ZBTB20: variants seen among roughly 807,000 people sequenced by gnomAD.
ZBTB20 encodes the protein zinc finger and BTB domain containing 20.
A neutral mutation model predicts 56.9 loss-of-function variants in ZBTB20; 9 were observed. That is an observed-to-expected ratio of 0.16 (90% confidence interval 0.10 to 0.28). The LOEUF (loss-of-function observed/expected upper bound fraction) is 0.28. ZBTB20 is among the 10% of genes least tolerant of loss of function. ZBTB20 has a pLI of 1.00. For synonymous variants in ZBTB20, 417 were observed against 420.7 expected, an observed-to-expected ratio of 0.99 and a Z score of 0.11; for missense variants, 655 against 1,003.0, an observed-to-expected ratio of 0.65 and a Z score of 4.69.
Position 114,335,981 on chromosome 3 carries a change from C to G in ZBTB20, c.*3024G>C, listed in dbSNP as rs970467948. ...AATCAGCATTAAGGCAAATGGGTCT[C>G]TCTCAGATTTGAGAAACAGAAAGCT... On this transcript the variant is annotated 3_prime_UTR_variant, in exon 12 of 12. Coordinates refer to ENST00000675478, the MANE Select transcript of ZBTB20 (RefSeq NM_001348800.3). The G allele has an allele frequency of 1.3e-5, 2 of 152,188 alleles. No homozygotes were observed. Among genetic ancestry groups the G allele is most frequent in the Non-Finnish European group, 2.9e-5 (2 of 68,040 alleles). The allele number at this position is 152,188 out of a possible 1,614,324, so 9.4% of individuals were successfully genotyped here. A position where few individuals can be genotyped will look rare whatever the true frequency, so the allele number is the denominator to read the frequency against.
At chr3:114,506,250 G>C (rs756022486) in intron 6 of ZBTB20, among the ~76,000 whole-genome samples, 8 of 151,988 alleles carry the variant, frequency 5.3e-5, no homozygotes, top group Admixed American at 1.3e-4. Context: ...CCTAAAAAAT[G>C]GCCTGCCTTC....
At chr3:114,903,243 T>C (rs2075194720) in intron 3 of ZBTB20, among the ~76,000 whole-genome samples, 1 of 152,084 alleles carries the variant, frequency 6.6e-6, no homozygotes, top group Admixed American at 6.6e-5. Flanking sequence ...TTTCTGTCTG[T>C]AAAATGGTGA....
intron 4 of ZBTB20, among the ~76,000 whole-genome samples, chr3:114,833,712 T>C (rs1388277648): frequency 6.6e-6 from 1 of 151,112 alleles, no homozygotes; most frequent in Non-Finnish European, 1.5e-5. Context: ...TTTTTTTTTT[T>C]TTTTTGAGAT....
At chr3:114,365,059 A>G (rs2082262582) in intron 10 of ZBTB20, among the ~76,000 whole-genome samples, 1 of 152,132 alleles carries the variant, frequency 6.6e-6, no homozygotes, top group African/African-American at 2.4e-5. Flanking sequence ...GCTCTAACAC[A>G]AAGGAGATCA....
At chr3:114,752,537 G>T (rs75986872) in intron 5 of ZBTB20, among the ~76,000 whole-genome samples, 5,223 of 152,254 alleles carry the variant, frequency 0.034, 148 homozygotes, top group African/African-American at 0.07. Flanking sequence ...TCTCTAAGTG[G>T]TGATTTTACT....
At chr3:114,440,794 G>A (rs866446960) in intron 7 of ZBTB20, among the ~76,000 whole-genome samples, 6 of 152,132 alleles carry the variant, frequency 3.9e-5, no homozygotes, top group African/African-American at 1.4e-4. Context: ...CTTTTTGGAG[G>A]CAGAACCTGC....
At chr3:115,009,546 C>G (rs1425857355) in intron 2 of ZBTB20, among the ~76,000 whole-genome samples, 1 of 151,878 alleles carries the variant, frequency 6.6e-6, no homozygotes, top group Non-Finnish European at 1.5e-5. Context: ...GCCTCTACAC[C>G]AGCTTCCTCT....
intron 5 of ZBTB20, among the ~76,000 whole-genome samples, chr3:114,793,433 T>C (rs544131418): frequency 7.2e-5 from 11 of 152,218 alleles, no homozygotes; most frequent in Non-Finnish European, 1.5e-4. Context: ...TGATGGGGTA[T>C]TGGGCACAGA....
intron 5 of ZBTB20, among the ~76,000 whole-genome samples, chr3:114,739,494 C>T (rs1230224059): frequency 1.3e-5 from 2 of 152,194 alleles, no homozygotes; most frequent in African/African-American, 2.4e-5. Flanking sequence ...TGTGGCTCTG[C>T]CTTTGTGGTC....
chr3:115,141,518 A>T lies in ZBTB20; in HGVS notation c.-703+5701T>A, dbSNP rs906434790. 1.6e-4 allele frequency among the ~76,000 whole-genome samples: 25 copies of T among 152,312 alleles called. 1 individual carries two copies. The highest frequency in any genetic ancestry group is 1.4e-3 in the Admixed American group (21 of 15,300). ...TGAAAGCAAAATCAAAACATATTTTATCTTGCCTCTAGATCACATCAGCTG... is the reference window on the plus strand; with the variant it reads ...TGAAAGCAAAATCAAAACATATTTTTTCTTGCCTCTAGATCACATCAGCTG... On this transcript the variant is annotated intron_variant, in intron 1 of 11. Transcript: ENST00000675478.
chr3:114,962,313 G>T (rs1318286484), intron 3 of ZBTB20, among the ~76,000 whole-genome samples: 2 of 151,994 alleles, frequency 1.3e-5, no homozygotes, highest in African/African-American at 4.8e-5. Context: ...TATGGGATTT[G>T]GTTCCAAAAA....
intron 2 of ZBTB20, among the ~76,000 whole-genome samples, chr3:115,005,630 CAAAG>C (rs1412135736): frequency 6.6e-6 from 1 of 151,670 alleles, no homozygotes; most frequent in Non-Finnish European, 1.5e-5. Context: ...AATTAAGAAC[CAAAG>C]AGAGAGAGTA....
In ZBTB20 at chr3:115,041,876, CTCTG is replaced by C. The variant is rs1210739722; in HGVS notation, c.-507+29339_-507+29342del. ...TTATTTAGTAGTGTGGAAGGTCTAC[CTCTG>C]TCTATTTCCTGAGGGAAAGCGGCTA... is the stretch of plus-strand genomic sequence containing the variant. On this transcript the variant is annotated intron_variant, in intron 2 of 11. Coordinates refer to ENST00000675478, the MANE Select transcript of ZBTB20 (RefSeq NM_001348800.3). 3.9e-5 allele frequency among the ~76,000 whole-genome samples: 6 copies of C among 152,238 alleles called. No individual in the cohort carries two copies. In the East Asian group the frequency reaches 1.2e-3, roughly 29 times the overall value.
chr3:114,485,804 G>A (rs949515516), intron 7 of ZBTB20, among the ~76,000 whole-genome samples: 6 of 152,124 alleles, frequency 3.9e-5, no homozygotes, highest in African/African-American at 1.4e-4. Context: ...GATCTTGGAA[G>A]CAGAGAGGAC....
At chr3:114,773,277 A>G (rs1011941457) in intron 5 of ZBTB20, among the ~76,000 whole-genome samples, 10 of 152,148 alleles carry the variant, frequency 6.6e-5, no homozygotes, top group African/African-American at 2.4e-4. Context: ...TCAAATAATA[A>G]ATTTGTATTG....
intron 7 of ZBTB20, among the ~76,000 whole-genome samples, chr3:114,486,323 A>T (rs2042149908): frequency 6.6e-6 from 1 of 152,100 alleles, no homozygotes; most frequent in Admixed American, 6.6e-5. Context: ...GAGTAATGTT[A>T]ATGACTGATG....
intron 8 of ZBTB20, among the ~76,000 whole-genome samples, chr3:114,381,223 T>C (rs543701990): frequency 2.4e-4 from 37 of 152,310 alleles, no homozygotes; most frequent in African/African-American, 8.4e-4. Context: ...TCCAACTCTT[T>C]ACTCATCCTA....
chr3:114,849,825 C>A (rs2074904399), intron 4 of ZBTB20, among the ~76,000 whole-genome samples: 1 of 151,028 alleles, frequency 6.6e-6, no homozygotes, highest in Admixed American at 6.6e-5. Flanking sequence ...TTAATTTAAT[C>A]ATCTCCTCTA....
chr3:115,082,125 G>T (rs949249072), intron 1 of ZBTB20, among the ~76,000 whole-genome samples: 3 of 152,110 alleles, frequency 2.0e-5, no homozygotes, highest in African/African-American at 7.2e-5. Context: ...TTATGATCAG[G>T]GTTTCACCCA....
Sources: gnomAD v4.1 joint callset for allele counts (sites outside exome capture counted in the v4.1 genomes callset) on GRCh38, gnomAD v4.1.1 for gene constraint, MANE v1.5 for transcripts, NCBI Gene and HGNC (gene_info 2026-07-23, HGNC 2026-07-21) for gene names.